The following MROH2A variants were observed in gnomAD, a reference collection of about 807,000 sequenced individuals.
MROH2A encodes the protein maestro heat like repeat family member 2A.
Under a neutral mutation model 200.4 loss-of-function variants are expected in MROH2A, and 174 were observed. The ratio of observed to expected loss-of-function variants is 0.87; its 90% CI spans 0.77 to 0.98. The LOEUF is 0.98. Among genes scored for constraint, MROH2A ranks in the 50% least tolerant of loss-of-function variants. MROH2A has a pLI of 0.00. For missense variants in MROH2A, 2,045 were observed against 2,139.6 expected, an observed-to-expected ratio of 0.96 and a Z score of 0.87; for synonymous variants, 829 against 840.4, an observed-to-expected ratio of 0.99 and a Z score of 0.23.
In MROH2A at chr2:233,828,506, C is replaced by T. The variant is rs1704473474; in HGVS notation, c.4114-124C>T. On this transcript the variant is annotated intron_variant, in intron 35 of 41. Coordinates refer to ENST00000389758, the MANE Select transcript of MROH2A (RefSeq NM_001394639.1). The surrounding 1 kb of genome is among the most constrained non-coding windows in gnomAD (Gnocchi z 4.6). The stretch of plus-strand genomic sequence containing the variant: ...TTTTTATAGAGAGGAAACGGAGGCT[C>T]TCAGAGCCCCTCCCCTCCTGTCCAC... 5 of 1,242,628 alleles carry T rather than the reference C, an allele frequency of 4.0e-6. No individual in the cohort carries two copies. The highest frequency in any genetic ancestry group is 5.5e-6 in the Non-Finnish European group (5 of 907,666). 77.0% of individuals were successfully genotyped at this position (1,242,628 alleles called of 1,614,324 possible).
chr2:233,808,911 G>A (rs1488680823), intron 21 of MROH2A, among the ~76,000 whole-genome samples: 1 of 152,232 alleles, frequency 6.6e-6, no homozygotes, highest in Non-Finnish European at 1.5e-5. Flanking sequence ...TGCATGCCCA[G>A]TGCCTGGTGT....
intron 40 of MROH2A, 38 bp from the exon 41 acceptor site, chr2:233,832,541 T>C (rs1213342620): frequency 1.4e-6 from 2 of 1,426,198 alleles, no homozygotes; most frequent in African/African-American, 2.8e-5. Context: ...GCTGACCTAA[T>C]ACTCGCGTGA....
intron 38 of MROH2A, among the ~76,000 whole-genome samples, chr2:233,830,615 ATGGCCCAGGTGGCCCAGGTG>A (rs1559487696): frequency 6.2e-5 from 4 of 64,350 alleles, no homozygotes; most frequent in African/African-American, 1.5e-4. Flanking sequence ...CCCAGGTGGG[ATGGCCCAGGTGGCCCAGGTG>A]GGATGGCCCT....
intron 12 of MROH2A, 75 bp from the exon 13 acceptor site, chr2:233,799,705 G>A: frequency 3.3e-6 from 5 of 1,531,876 alleles, no homozygotes; most frequent in Non-Finnish European, 4.4e-6. Context: ...CCAATTCCTA[G>A]CTCTCTATGT....
intron 37 of MROH2A, 53 bp downstream of exon 37, chr2:233,829,125 T>C: frequency 6.9e-7 from 1 of 1,443,480 alleles, no homozygotes; most frequent in South Asian, 1.5e-5. Context: ...GGGGCACTTC[T>C]CAGACCCTAA....
Position 233,804,144 on chromosome 2 carries a change from G to A in MROH2A, c.1843G>A (p.Ala615Thr). The A allele has an allele frequency of 6.4e-7, 1 of 1,550,570 alleles. No individual in the cohort carries two copies. The highest frequency in any genetic ancestry group is 8.7e-7 in the Non-Finnish European group (1 of 1,146,992). ...GAGCCAGAGCATCGCACCCTCCATG[G>A]CCGACATGTGGGAGCTGGAGATTGC... ...TLSQSIAPSM[A>T]DMWELEIALL... The change falls in exon 17 of 42, where the codon GCC (alanine) becomes ACC (threonine). Residue 615 changes from alanine (A) to threonine (T), a missense_variant. By Grantham distance (58) the Ala-to-Thr change is moderately conservative (BLOSUM62 0). Around this residue, in one of 3 missense-constraint regions of MROH2A, gnomAD observed 831 missense variants for 800.0 expected, o/e 1.04. Coordinates refer to ENST00000389758, the MANE Select transcript of MROH2A (RefSeq NM_001394639.1).
rs1395367426 is a variant in MROH2A at position 233,788,040 on chromosome 2, CAT to C, written c.277-1450_277-1449del. On this transcript the variant is annotated intron_variant, in intron 3 of 41. Coordinates refer to ENST00000389758, the MANE Select transcript of MROH2A (RefSeq NM_001394639.1). ...TATATATACATATATTATATATATA[CAT>C]ATATATTATATATACATATATTATA... Among the ~76,000 whole-genome samples, 84 of 54,050 alleles carry C rather than the reference CAT, an allele frequency of 1.6e-3. 10 individuals carry two copies. Among genetic ancestry groups the C allele is most frequent in the African/African-American group, 7.2e-3 (81 of 11,190 alleles). The allele number at this position is 54,050 out of a possible 152,430, so 35.5% of individuals were successfully genotyped here.
Position 233,789,990 on chromosome 2 carries a change from C to T in MROH2A, c.547C>T (p.Leu183=). 3 of 1,549,816 alleles carry T rather than the reference C, an allele frequency of 1.9e-6. No individual in the cohort carries two copies. The highest frequency in any genetic ancestry group is 2.6e-6 in the Non-Finnish European group (3 of 1,146,548). The part of the protein sequence containing the change: ...NLTDEFVIIT[L]AKLANGNVFE... ...CACTGATGAATTTGTCATCATCACACTGGCCAAGCTGGCCAACGGCAATGG... is the reference window on the plus strand; with the variant it reads ...CACTGATGAATTTGTCATCATCACATTGGCCAAGCTGGCCAACGGCAATGG... The change falls in exon 5 of 42, where the codon CTG becomes TTG. Residue 183 remains leucine (L), a synonymous_variant. Coordinates refer to ENST00000389758, the MANE Select transcript of MROH2A (RefSeq NM_001394639.1).
Position 233,789,496 on chromosome 2 carries a change from G to T in MROH2A, c.277-1G>T. The T allele has an allele frequency of 7.0e-7, 1 of 1,418,570 alleles. No homozygotes were observed. Among genetic ancestry groups the T allele is most frequent in the South Asian group, 1.7e-5 (1 of 60,206 alleles). The allele number at this position is 1,418,570 out of a possible 1,614,324, so 87.9% of individuals were successfully genotyped here. The stretch of plus-strand genomic sequence containing the variant: ...TTCCACCCACCATACTTGTTTCCCA[G>T]ATTTCCACCCAGCGCAAGGTCAACA... On this transcript the variant is annotated splice_acceptor_variant, in intron 3 of 41. Coordinates refer to ENST00000389758, the MANE Select transcript of MROH2A (RefSeq NM_001394639.1). LOFTEE classifies it high-confidence loss of function.
At chr2:233,802,004 A>G (rs1002021530) in intron 14 of MROH2A, among the ~76,000 whole-genome samples, 164 bp from the exon 15 acceptor site, 1 of 152,176 alleles carries the variant, frequency 6.6e-6, no homozygotes. Flanking sequence ...TGCCCCTGAC[A>G]AAGACTGGAT....
At chr2:233,802,127 G>C (rs768541833) in intron 14 of MROH2A, 41 bp from the exon 15 acceptor site, 128 of 1,525,204 alleles carry the variant, frequency 8.4e-5, no homozygotes, top group Non-Finnish European at 9.9e-5. Flanking sequence ...CCCAGGGCTT[G>C]GGCTAATTCT....
At chr2:233,776,973 G>A (rs1253496112), upstream of MROH2A, among the ~76,000 whole-genome samples, 2 of 152,150 alleles carry the variant, frequency 1.3e-5, no homozygotes, top group Non-Finnish European at 2.9e-5. Context: ...GCTGCACAAT[G>A]TCCCCATCAC....
Position 233,799,837 on chromosome 2 carries a change from A to G in MROH2A, c.1387A>G (p.Arg463Gly). Residue 463 changes from arginine to glycine, a missense_variant, in exon 13 of 42, where the codon AGA (arginine) becomes GGA (glycine). Arg to Gly is a moderately radical substitution (Grantham distance 125). Coordinates refer to ENST00000389758, the MANE Select transcript of MROH2A (RefSeq NM_001394639.1). The part of the protein sequence containing the change: ...GQLALCGYQE[R>G]IKGWGLKYLS... The stretch of plus-strand genomic sequence containing the variant: ...GTTGGCTCTCTGTGGCTACCAGGAG[A>G]GAATCAAAGGCTGGGGCCTGAAGTA... The G allele has an allele frequency of 6.4e-7, 1 of 1,550,446 alleles. No individual in the cohort carries two copies. The highest frequency in any genetic ancestry group is 8.7e-7 in the Non-Finnish European group (1 of 1,146,978).
chr2:233,811,210 G>A (rs548351547), intron 23 of MROH2A, among the ~76,000 whole-genome samples: 7 of 152,216 alleles, frequency 4.6e-5, no homozygotes, highest in Admixed American at 3.9e-4. Context: ...TCCCTGGGCC[G>A]GCTTGGCTGT....
Position 233,829,771 on chromosome 2 carries a change from C to G in MROH2A, c.4598C>G (p.Ala1533Gly). Residue 1533 changes from alanine to glycine, a missense_variant, in exon 38 of 42, where the codon GCC becomes GGC. This residue lies in a region of MROH2A where 1,201 missense variants were observed against 1,311.3 expected (regional missense o/e 0.92). Coordinates refer to ENST00000389758, the MANE Select transcript of MROH2A (RefSeq NM_001394639.1). ...LHSQDPCSNA[A>G]QACMATMFQC... ...TCCCAGGACCCCTGCTCCAATGCAG[C>G]CCAAGTAAGATACATCCTGGGCTTT... is the stretch of plus-strand genomic sequence containing the variant. 7.3e-7 allele frequency: 1 copy of G among 1,369,648 alleles called. No individual in the cohort carries two copies. The highest frequency in any genetic ancestry group is 9.5e-7 in the Non-Finnish European group (1 of 1,054,762). The allele number at this position is 1,369,648 out of a possible 1,614,324, so 84.8% of individuals were successfully genotyped here.
chr2:233,815,607 C>CCCT, intron 26 of MROH2A, among the ~76,000 whole-genome samples: 1 of 152,268 alleles, frequency 6.6e-6, no homozygotes, highest in South Asian at 2.1e-4. Flanking sequence ...ATTTTTTGCA[C>CCCT]ATGGATAGCC....
intron 3 of MROH2A, among the ~76,000 whole-genome samples, chr2:233,780,685 GT>G (rs1281320774): frequency 6.6e-6 from 1 of 152,162 alleles, no homozygotes; most frequent in Non-Finnish European, 1.5e-5. Flanking sequence ...CCGAATCAGG[GT>G]AATTAGTATA....
Position 233,811,950 on chromosome 2 carries a change from C to G in MROH2A, c.2642C>G (p.Ser881Trp), listed in dbSNP as rs542428796. Residue 881 changes from serine (S) to tryptophan (W), a missense_variant, in exon 24 of 42, where the codon TCG becomes TGG. Around this residue, in one of 3 missense-constraint regions of MROH2A, gnomAD observed 1,201 missense variants for 1,311.3 expected, o/e 0.92. Coordinates refer to ENST00000389758, the MANE Select transcript of MROH2A (RefSeq NM_001394639.1). Reference sequence around the variant, plus strand: ...CGAGCCTTGGCGATGGAGGCCCTCTCGCACCTGAGGTGAGCTGGGTTCCCA... The same window carrying G: ...CGAGCCTTGGCGATGGAGGCCCTCTGGCACCTGAGGTGAGCTGGGTTCCCA... Reference protein sequence around the residue: ...PVRALAMEALSHLSKLKPFYS... With the variant: ...PVRALAMEALWHLSKLKPFYS... The G allele has an allele frequency of 1.3e-6, 2 of 1,549,510 alleles. No individual in the cohort carries two copies. Among genetic ancestry groups the G allele is most frequent in the Non-Finnish European group, 8.7e-7 (1 of 1,146,342 alleles).
In MROH2A at chr2:233,789,615, G is replaced by A; in HGVS notation, c.395G>A (p.Arg132Lys). ...GTGGCCATTGCCTCCAAGGAGATGA[G>A]GGAGATCCCAGAGGTAGGACCCCAA... Reference protein sequence around the residue: ...RLVAIASKEMREIPEMEGYMK... With the variant: ...RLVAIASKEMKEIPEMEGYMK... The change falls in exon 4 of 42, where the codon AGG (arginine) becomes AAG (lysine). Residue 132 changes from arginine (R) to lysine (K), a missense_variant. By Grantham distance (26) the Arg-to-Lys change is conservative (BLOSUM62 2). This residue lies in a region of MROH2A where 831 missense variants were observed against 800.0 expected (regional missense o/e 1.04). Coordinates refer to ENST00000389758, the MANE Select transcript of MROH2A (RefSeq NM_001394639.1). 1 of 1,468,272 alleles carries A rather than the reference G, an allele frequency of 6.8e-7. No homozygotes were observed. The highest frequency in any genetic ancestry group is 9.0e-7 in the Non-Finnish European group (1 of 1,107,728). 91.0% of individuals were successfully genotyped at this position (1,468,272 alleles called of 1,614,324 possible).
Sources: allele counts gnomAD v4.1 joint callset (sites outside exome capture counted in the v4.1 genomes callset), GRCh38; gene constraint gnomAD v4.1.1; regional missense constraint gnomAD v4.1.1; non-coding constraint Gnocchi (gnomAD v3.1); transcripts MANE v1.5; gene names NCBI Gene and HGNC (gene_info 2026-07-23, HGNC 2026-07-21).